Variants in EXOC4 observed in about 807,000 individuals in gnomAD.
EXOC4 encodes SEC8-like 1.
EXOC4 carries 71 observed loss-of-function variants against 107.2 expected under a neutral mutation model. The observed-to-expected ratio is 0.66, with a 90% CI of 0.55 to 0.81. The LOEUF (loss-of-function observed/expected upper bound fraction) is 0.81, where lower values mean the gene tolerates loss of function less well. EXOC4 is among the 30% of genes least tolerant of loss of function. The pLI, the probability that EXOC4 is intolerant of heterozygous loss-of-function variation, is 0.00. For synonymous variants in EXOC4, 456 were observed against 441.2 expected (o/e 1.03, Z -0.42); for missense variants, 1,108 against 1,189.6 (o/e 0.93, Z 1.01).
intron 13 of EXOC4, among the ~76,000 whole-genome samples, chr7:133,919,639 T>A (rs896090163): frequency 6.6e-6 from 1 of 152,204 alleles, no homozygotes; most frequent in Non-Finnish European, 1.5e-5. Flanking sequence ...ATACAGTATG[T>A]TTCCTCTTGA....
chr7:133,520,551 G>C (rs1220585759), intron 9 of EXOC4, among the ~76,000 whole-genome samples: 8 of 151,954 alleles, frequency 5.3e-5, no homozygotes, highest in Admixed American at 3.9e-4. Flanking sequence ...TAACTTTCTT[G>C]GTGGAAAATA....
chr7:133,775,799 A>T (rs926482441), intron 10 of EXOC4, among the ~76,000 whole-genome samples: 1 of 152,298 alleles, frequency 6.6e-6, no homozygotes, highest in Non-Finnish European at 1.5e-5. Context: ...GAAGAAAGTC[A>T]TGGCTTATAG....
intron 6 of EXOC4, among the ~76,000 whole-genome samples, chr7:133,364,082 T>C (rs1329692893): frequency 2.6e-5 from 4 of 152,000 alleles, no homozygotes; most frequent in Admixed American, 6.6e-5. Flanking sequence ...GGAGGTAACT[T>C]TGTGTTTGCA....
chr7:134,063,322 C>T (rs978181983), intron 17 of EXOC4, among the ~76,000 whole-genome samples: 4 of 152,208 alleles, frequency 2.6e-5, no homozygotes, highest in African/African-American at 7.2e-5. Flanking sequence ...CAGCATGGTG[C>T]GATTTCTCCT....
chr7:133,434,295 G>T (rs919407980), intron 7 of EXOC4, among the ~76,000 whole-genome samples: 1 of 151,898 alleles, frequency 6.6e-6, no homozygotes, highest in South Asian at 2.1e-4. Flanking sequence ...TACATGGGGG[G>T]GAAAAAGAAG....
At chr7:133,699,526 G>T (rs1585087557) in intron 10 of EXOC4, among the ~76,000 whole-genome samples, 1 of 152,292 alleles carries the variant, frequency 6.6e-6, no homozygotes, top group East Asian at 1.9e-4. Flanking sequence ...TTCGTTAGTG[G>T]AACAGGCAGT....
At chr7:133,545,204 A>G (rs1800457640) in intron 9 of EXOC4, among the ~76,000 whole-genome samples, 1 of 152,140 alleles carries the variant, frequency 6.6e-6, no homozygotes, top group African/African-American at 2.4e-5. Context: ...TCATTAAGAA[A>G]TGAAATGTCT....
At chr7:133,426,383 T>C (rs1022473372) in intron 7 of EXOC4, among the ~76,000 whole-genome samples, 3 of 152,228 alleles carry the variant, frequency 2.0e-5, no homozygotes, top group Non-Finnish European at 2.9e-5. Flanking sequence ...TAAACACTTA[T>C]TGTTTGGAAA....
chr7:133,709,708 G>A (rs1794845147), intron 10 of EXOC4, among the ~76,000 whole-genome samples: 1 of 140,172 alleles, frequency 7.1e-6, no homozygotes. Flanking sequence ...AAGACTCTGT[G>A]GCTTTTTAGC....
At chr7:133,694,038 G>T (rs1450365605) in intron 10 of EXOC4, among the ~76,000 whole-genome samples, 1 of 152,042 alleles carries the variant, frequency 6.6e-6, no homozygotes, top group Non-Finnish European at 1.5e-5. Flanking sequence ...GGCCAAGGTG[G>T]GCGGATCATG....
At chr7:133,880,168 C>G (rs532858876) in intron 11 of EXOC4, among the ~76,000 whole-genome samples, 1 of 152,264 alleles carries the variant, frequency 6.6e-6, no homozygotes, top group Non-Finnish European at 1.5e-5. Flanking sequence ...CTTACCTTGT[C>G]TTTTATACTC....
chr7:133,500,023 G>C (rs1240093459), intron 9 of EXOC4, among the ~76,000 whole-genome samples: 1 of 151,768 alleles, frequency 6.6e-6, no homozygotes, highest in South Asian at 2.1e-4. Context: ...GGCTCATGGA[G>C]GTTAAGTTAC....
At chr7:133,579,912 G>A (rs1801214940) in intron 9 of EXOC4, among the ~76,000 whole-genome samples, 1 of 150,936 alleles carries the variant, frequency 6.6e-6, no homozygotes, top group Non-Finnish European at 1.5e-5. Flanking sequence ...GGCCAGGATG[G>A]TCTTGATCTC....
At chr7:134,007,077 A>T (rs1794658620) in intron 16 of EXOC4, among the ~76,000 whole-genome samples, 1 of 152,170 alleles carries the variant, frequency 6.6e-6, no homozygotes, top group East Asian at 1.9e-4. Flanking sequence ...ATTGTGTCTT[A>T]TACACCCATT....
intron 14 of EXOC4, among the ~76,000 whole-genome samples, chr7:133,958,711 C>G (rs1213887516): frequency 6.6e-6 from 1 of 152,162 alleles, no homozygotes; most frequent in Non-Finnish European, 1.5e-5. Context: ...TGTTAAAAGT[C>G]TGTTTAGGAT....
At chr7:133,734,790 C>A (rs1795402754) in intron 10 of EXOC4, among the ~76,000 whole-genome samples, 3 of 151,792 alleles carry the variant, frequency 2.0e-5, no homozygotes, top group Admixed American at 2.0e-4. Context: ...GAAAAAAATC[C>A]AAAATCCAAA....
intron 10 of EXOC4, among the ~76,000 whole-genome samples, chr7:133,729,067 A>G (rs1210738811): frequency 6.6e-6 from 1 of 152,200 alleles, no homozygotes; most frequent in Non-Finnish European, 1.5e-5. Context: ...AAATATTTGA[A>G]TGACAGATCC....
At chr7:133,850,844 T>C (rs1051799217) in intron 11 of EXOC4, among the ~76,000 whole-genome samples, 1 of 152,296 alleles carries the variant, frequency 6.6e-6, no homozygotes, top group East Asian at 1.9e-4. Context: ...ACTCATTCCT[T>C]CTAGTTTTGC....
At chr7:133,875,535 T>C (rs939739919) in intron 11 of EXOC4, among the ~76,000 whole-genome samples, 11 of 152,310 alleles carry the variant, frequency 7.2e-5, no homozygotes, top group African/African-American at 2.2e-4. Flanking sequence ...GTCTCTTGGC[T>C]GCTGGCATTG....
Sources: gnomAD v4.1 joint callset for allele counts (sites outside exome capture counted in the v4.1 genomes callset) on GRCh38, gnomAD v4.1.1 for gene constraint, MANE v1.5 for transcripts, NCBI Gene and HGNC (gene_info 2026-07-23, HGNC 2026-07-21) for gene names.